EMC10: variants seen among roughly 807,000 people sequenced by gnomAD.
EMC10 encodes the protein ER membrane protein complex subunit 10.
EMC10 carries 40 observed loss-of-function variants against 32.2 expected under a neutral mutation model. The ratio of observed to expected loss-of-function variants is 1.24; its 90% confidence interval spans 0.96 to 1.61. The LOEUF is 1.61. Among genes scored for constraint, EMC10 ranks in the 40% most tolerant of loss-of-function variants. EMC10 has a pLI of 0.00. For synonymous variants in EMC10, 178 were observed against 158.4 expected, an observed-to-expected ratio of 1.12 and a Z score of -0.93; for missense variants, 402 against 357.7, an observed-to-expected ratio of 1.12 and a Z score of -1.00.
intron 1 of EMC10, 60 bp from the exon 2 acceptor site, chr19:50,477,869 G>T: frequency 7.2e-7 from 1 of 1,385,206 alleles, no homozygotes; most frequent in Non-Finnish European, 9.9e-7. Context: ...GGTTCTGTGG[G>T]TGACTACTAT....
At position 50,479,256 on chromosome 19, in the gene EMC10, G is replaced by A. The variant is rs116531723; in HGVS notation, c.297+190G>A. Among the ~76,000 whole-genome samples, 1,261 of 152,318 alleles carry A rather than the reference G, an allele frequency of 8.3e-3. 20 individuals are homozygous for A. The highest frequency in any genetic ancestry group is 0.029 in the African/African-American group (1,196 of 41,576). Reference sequence around the variant, plus strand: ...GAACGGCATTGCAGTTCGTCTTAGCGCCGCCAGGCATGGTGTCCTGCATCA... The same window carrying A: ...GAACGGCATTGCAGTTCGTCTTAGCACCGCCAGGCATGGTGTCCTGCATCA... On this transcript the variant is annotated intron_variant, in intron 3 of 6. Transcript: ENST00000334976.
chr19:50,483,209 G>A lies in EMC10; in HGVS notation c.*950G>A. 6.9e-6 allele frequency: 3 copies of A among 435,218 alleles called. No homozygotes were observed. The highest frequency in any genetic ancestry group is 1.6e-5 in the South Asian group (1 of 61,916). 27.0% of individuals were successfully genotyped at this position (435,218 alleles called of 1,614,324 possible). A position where few individuals can be genotyped will look rare whatever the true frequency, so the allele number is the denominator to read the frequency against. On this transcript the variant is annotated 3_prime_UTR_variant, in exon 7 of 7. Transcript: ENST00000334976. ...GTTGTTTTGGCAAGACGGTCCTGAT[G>A]TACAAGCTTGATTGAAATTCACTGC...
chr19:50,480,967 T>C lies in EMC10; in HGVS notation c.668T>C (p.Phe223Ser), dbSNP rs2040311206. The C allele has an allele frequency of 6.2e-7, 1 of 1,611,678 alleles. No individual in the cohort carries two copies. Among genetic ancestry groups the C allele is most frequent in the African/African-American group, 1.3e-5 (1 of 74,870 alleles). Residue 223 changes from phenylalanine (F) to serine (S), a missense_variant, in exon 6 of 7, where the codon TTC becomes TCC. By Grantham distance (155) the Phe-to-Ser change is radical. Transcript: ENST00000334976. The surrounding 1 kb of genome is among the most constrained non-coding windows in gnomAD (Gnocchi z 4.4). ...AACCCCCAGGAGCAGAAGTCCTTCT[T>C]CGCCAAATACGTGAGTGGGGCTCCC... ...AKNPQEQKSF[F>S]AKYWMYIIPV...
At chr19:50,477,637 T>G (rs547237890) in intron 1 of EMC10, among the ~76,000 whole-genome samples, 1 of 152,128 alleles carries the variant, frequency 6.6e-6, no homozygotes, top group Non-Finnish European at 1.5e-5. Flanking sequence ...GAGAGTGTCA[T>G]TTAACTCATG....
chr19:50,482,229 T>TGGGGGGGGGGGGGGGGGG lies in EMC10; in HGVS notation c.764_765insGGGGGGGGGGGGGGGGGG (p.Gly252_Gly257dup). ...CCGGGGGCCAGGGTGGGGGTGGGGGTGGGGGTGGTGGTGGGGGTAGTGGCC... is the reference window on the plus strand; with the variant it reads ...CCGGGGGCCAGGGTGGGGGTGGGGGTGGGGGGGGGGGGGGGGGGGGGGGTGGTGGTGGGGGTAGTGGCC... On this transcript the variant is annotated inframe_insertion, in exon 7 of 7. Coordinates refer to ENST00000334976, the MANE Select transcript of EMC10 (RefSeq NM_206538.4). 1.3e-5 allele frequency: 1 copy of TGGGGGGGGGGGGGGGGGG among 75,798 alleles called. No homozygotes were observed. The allele number at this position is 75,798 out of a possible 1,614,324, so 4.7% of individuals were successfully genotyped here. A position where few individuals can be genotyped will look rare whatever the true frequency, so the allele number is the denominator to read the frequency against.
chr19:50,480,316 C>A lies in EMC10; in HGVS notation c.402+101C>A. 7.9e-7 allele frequency: 1 copy of A among 1,269,248 alleles called. No homozygotes were observed. Among genetic ancestry groups the A allele is most frequent in the Non-Finnish European group, 1.1e-6 (1 of 902,678 alleles). The allele number at this position is 1,269,248 out of a possible 1,614,324, so 78.6% of individuals were successfully genotyped here. ...CGAACCCCTGTGTTTCTGGAGCCCG[C>A]AGAGGCCTGGGAGACTCAGACCTGG... On this transcript the variant is annotated intron_variant, in intron 4 of 6. Coordinates refer to ENST00000334976, the MANE Select transcript of EMC10 (RefSeq NM_206538.4). This position sits in a 1 kb window ranked among gnomAD's most constrained non-coding sequence, Gnocchi z 4.4.
In EMC10 at chr19:50,480,126, A is replaced by G. The variant is rs755746153; in HGVS notation, c.313A>G (p.Asn105Asp). Residue 105 changes from asparagine to aspartate, a missense_variant, in exon 4 of 7, where the codon AAT becomes GAT. Coordinates refer to ENST00000334976, the MANE Select transcript of EMC10 (RefSeq NM_206538.4). This position sits in a 1 kb window ranked among gnomAD's most constrained non-coding sequence, Gnocchi z 4.4. ...RGRLRDVAAL[N>D]GLYRVRIPRR... ...CCATCCCCAGGATGTGGCAGCCCTG[A>G]ATGGCCTGTACCGGGTCCGGATCCC... 6.2e-7 allele frequency: 1 copy of G among 1,611,502 alleles called. No individual in the cohort carries two copies. The highest frequency in any genetic ancestry group is 8.5e-7 in the Non-Finnish European group (1 of 1,179,262).
At position 50,482,150 on chromosome 19, in the gene EMC10, G is replaced by A; in HGVS notation, c.680G>A (p.Trp227Ter). 6.3e-7 allele frequency: 1 copy of A among 1,590,288 alleles called. No homozygotes were observed. Among genetic ancestry groups the A allele is most frequent in the Non-Finnish European group, 8.6e-7 (1 of 1,159,448 alleles). Residue 227 changes from tryptophan (W) to a stop codon, truncating the protein, a stop_gained and splice_region_variant, in exon 7 of 7, where the codon TGG (tryptophan) becomes TAG (stop). Transcript: ENST00000334976. LOFTEE classifies it high-confidence loss of function. Reference sequence around the variant, plus strand: ...GTCCATCCTTCCGTCCGGCTGCAGTGGATGTACATCATTCCCGTCGTCCTG... The same window carrying A: ...GTCCATCCTTCCGTCCGGCTGCAGTAGATGTACATCATTCCCGTCGTCCTG... Reference protein sequence around the residue: ...QEQKSFFAKYWMYIIPVVLFL... With the variant: ...QEQKSFFAKY
Position 50,480,716 on chromosome 19 carries a change from C to A in EMC10, c.538C>A (p.Leu180Met). 1 of 1,605,658 alleles carries A rather than the reference C, an allele frequency of 6.2e-7. No individual in the cohort carries two copies. The highest frequency in any genetic ancestry group is 8.5e-7 in the Non-Finnish European group (1 of 1,177,058). Residue 180 changes from leucine (L) to methionine (M), a missense_variant, in exon 5 of 7, where the codon CTG becomes ATG. Coordinates refer to ENST00000334976, the MANE Select transcript of EMC10 (RefSeq NM_206538.4). This position sits in a 1 kb window ranked among gnomAD's most constrained non-coding sequence, Gnocchi z 4.4. ...GHEVEDVDLE[L>M]FNTSVQLQPP... ...TGAGGTGGAGGACGTGGACCTGGAGCTGTTCAACACCTCGGTGCAGCTGCA... is the reference window on the plus strand; with the variant it reads ...TGAGGTGGAGGACGTGGACCTGGAGATGTTCAACACCTCGGTGCAGCTGCA...
Position 50,480,279 on chromosome 19 carries a change from G to A in EMC10, c.402+64G>A. 6.8e-7 allele frequency: 1 copy of A among 1,480,866 alleles called. No homozygotes were observed. Among genetic ancestry groups the A allele is most frequent in the Non-Finnish European group, 9.3e-7 (1 of 1,075,672 alleles). 91.7% of individuals were successfully genotyped at this position (1,480,866 alleles called of 1,614,324 possible). The stretch of plus-strand genomic sequence containing the variant: ...CCTCCTCATCCCCTACCCTGGTCCT[G>A]CTTCCACCATTCGAACCCCTGTGTT... On this transcript the variant is annotated intron_variant, in intron 4 of 6. Transcript: ENST00000334976. This position sits in a 1 kb window ranked among gnomAD's most constrained non-coding sequence, Gnocchi z 4.4.
rs2040361679 is a variant in EMC10, at chr19:50,483,975, G to C, written c.*1716G>C. ...TCTGTCTTCATTCCATGTGAATCCT[G>C]CTTCATTCTTTTCCTAGAGGATTCC... On this transcript the variant is annotated 3_prime_UTR_variant, in exon 7 of 7. Coordinates refer to ENST00000334976, the MANE Select transcript of EMC10 (RefSeq NM_206538.4). 1 of 134,806 alleles carries C rather than the reference G, an allele frequency of 7.4e-6. No individual in the cohort carries two copies. Among genetic ancestry groups the C allele is most frequent in the Non-Finnish European group, 1.6e-5 (1 of 64,364 alleles). The allele number at this position is 134,806 out of a possible 1,614,324, so 8.4% of individuals were successfully genotyped here. A position where few individuals can be genotyped will look rare whatever the true frequency, so the allele number is the denominator to read the frequency against.
At chr19:50,481,872 C>T (rs1414105815) in intron 6 of EMC10, 2 of 1,584,988 alleles carry the variant, frequency 1.3e-6, no homozygotes, top group South Asian at 1.1e-5. Context: ...GGCACATCAT[C>T]CTGGGGGGGG....
rs906441206 is a variant in EMC10, at chr19:50,488,647, GAGAA to G, written c.*6391_*6394del. 4 of 151,940 alleles carry G rather than the reference GAGAA, an allele frequency of 2.6e-5. No individual in the cohort carries two copies. The highest frequency in any genetic ancestry group is 7.3e-5 in the African/African-American group (3 of 41,154). 9.4% of individuals were successfully genotyped at this position (151,940 alleles called of 1,614,324 possible). A position where few individuals can be genotyped will look rare whatever the true frequency, so the allele number is the denominator to read the frequency against. On this transcript the variant is annotated 3_prime_UTR_variant, in exon 7 of 7. Coordinates refer to ENST00000334976, the MANE Select transcript of EMC10 (RefSeq NM_206538.4). ...GGAGCTCCAGCCAGAGAAGAGGAAAGAGAAAGGAGAGAGCTAGGAACTGGGAAGG... is the reference window on the plus strand; with the variant it reads ...GGAGCTCCAGCCAGAGAAGAGGAAAGAGGAGAGAGCTAGGAACTGGGAAGG...
rs1229768336 is a variant in EMC10, at chr19:50,486,929, T to C, written c.*4670T>C. 1.3e-5 allele frequency: 2 copies of C among 150,524 alleles called. No homozygotes were observed. Among genetic ancestry groups the C allele is most frequent in the Non-Finnish European group, 2.9e-5 (2 of 68,030 alleles). The allele number at this position is 150,524 out of a possible 1,614,324, so 9.3% of individuals were successfully genotyped here. On this transcript the variant is annotated 3_prime_UTR_variant, in exon 7 of 7. Transcript: ENST00000334976. Reference sequence around the variant, plus strand: ...TATCCCCTGTTCCTCCCCCAGGCATTCTGGTCACTGTTCCTTTTTGTTGAG... The same window carrying C: ...TATCCCCTGTTCCTCCCCCAGGCATCCTGGTCACTGTTCCTTTTTGTTGAG...
chr19:50,479,170 A>T, intron 3 of EMC10, 104 bp downstream of exon 3: 1 of 868,362 alleles, frequency 1.2e-6, no homozygotes, highest in Non-Finnish European at 1.8e-6. Context: ...CTCCAGGCCC[A>T]GGTGGGCTCC....
intron 1 of EMC10, among the ~76,000 whole-genome samples, chr19:50,477,397 T>G (rs1222672149): frequency 6.6e-6 from 1 of 152,190 alleles, no homozygotes; most frequent in Non-Finnish European, 1.5e-5. Flanking sequence ...AGCGAGACCC[T>G]GTCTCAGAAA....
At chr19:50,482,050 A>G in intron 6 of EMC10, 99 bp from the exon 7 acceptor site, 2 of 1,464,616 alleles carry the variant, frequency 1.4e-6, no homozygotes, top group East Asian at 2.3e-5. Flanking sequence ...ACCTCCCCTC[A>G]TGCCGGTCCC....
chr19:50,481,978 G>A (rs777090575), intron 6 of EMC10, 171 bp from the exon 7 acceptor site: 52 of 1,603,980 alleles, frequency 3.2e-5, no homozygotes, highest in African/African-American at 1.7e-4. Flanking sequence ...CCCTCCCTGC[G>A]CCCCACTGGC....
rs2040357985 is a variant in EMC10, at chr19:50,483,728, GT to G, written c.*1474del. 1 of 152,216 alleles carries G rather than the reference GT, an allele frequency of 6.6e-6. No homozygotes were observed. The allele number at this position is 152,216 out of a possible 1,614,324, so 9.4% of individuals were successfully genotyped here. On this transcript the variant is annotated 3_prime_UTR_variant, in exon 7 of 7. Coordinates refer to ENST00000334976, the MANE Select transcript of EMC10 (RefSeq NM_206538.4). ...AGGCGTGCACCACCACGCGCAGCTA[GT>G]TTTTGTATTTTTTGTAGAGACGGGG...
Sources: allele counts gnomAD v4.1 joint callset (sites outside exome capture counted in the v4.1 genomes callset), GRCh38; gene constraint gnomAD v4.1.1; non-coding constraint Gnocchi (gnomAD v3.1); transcripts MANE v1.5; gene names NCBI Gene and HGNC (gene_info 2026-07-23, HGNC 2026-07-21).